PAX3: variants seen among roughly 807,000 people sequenced by gnomAD.
The protein encoded by PAX3 is paired box 3, also known as paired box protein Pax-3.
Under a neutral mutation model 51.6 loss-of-function variants are expected in PAX3, and 14 were observed. That is an observed-to-expected ratio of 0.27 (90% confidence interval 0.18 to 0.42). The LOEUF is 0.42. Among genes scored for constraint, PAX3 ranks in the 10% least tolerant of loss-of-function variants. The probability of loss-of-function intolerance (pLI) is 1.00; values close to 1 mark genes in which losing one functional copy is unlikely to be tolerated. For missense variants in PAX3, 540 were observed against 642.8 expected, an observed-to-expected ratio of 0.84 and a Z score of 1.73; for synonymous variants, 280 against 253.4, an observed-to-expected ratio of 1.11 and a Z score of -1.00.
chr2:222,206,839 C>T (rs1425777693), intron 7 of PAX3, among the ~76,000 whole-genome samples: 4 of 152,114 alleles, frequency 2.6e-5, no homozygotes, highest in Non-Finnish European at 2.9e-5. Context: ...GTGCCTGAAG[C>T]TTATCAGAAA....
chr2:222,219,202 C>T (rs1692086840), intron 7 of PAX3, among the ~76,000 whole-genome samples: 1 of 152,024 alleles, frequency 6.6e-6, no homozygotes, highest in African/African-American at 2.4e-5. Context: ...TCATTTGTGT[C>T]ATTCTGAGCT....
At chr2:222,277,785 T>C (rs1005751772) in intron 4 of PAX3, among the ~76,000 whole-genome samples, 7 of 151,702 alleles carry the variant, frequency 4.6e-5, no homozygotes. Flanking sequence ...AATAGAAAAA[T>C]TAGCCTGGCA....
intron 7 of PAX3, among the ~76,000 whole-genome samples, chr2:222,217,234 C>A (rs535964414): frequency 1.3e-5 from 2 of 151,982 alleles, no homozygotes; most frequent in Non-Finnish European, 2.9e-5. Context: ...ACATCCAATG[C>A]TTTTAATATG....
intron 4 of PAX3, chr2:222,293,619 A>G: frequency 6.2e-7 from 1 of 1,612,858 alleles, no homozygotes. Flanking sequence ...AATCAACTTC[A>G]AACAAATCAA....
At chr2:222,266,153 C>T (rs186450883) in intron 4 of PAX3, among the ~76,000 whole-genome samples, 205 of 152,326 alleles carry the variant, frequency 1.3e-3, no homozygotes, top group African/African-American at 4.7e-3. Context: ...GGAGCCTACA[C>T]GGAAACATAT....
At chr2:222,290,443 A>G (rs1694988271) in intron 4 of PAX3, among the ~76,000 whole-genome samples, 1 of 152,172 alleles carries the variant, frequency 6.6e-6, no homozygotes, top group Non-Finnish European at 1.5e-5. Flanking sequence ...TATGCTTGAG[A>G]TCTCTTAGTG....
At chr2:222,255,813 A>C (rs1418980005) in intron 4 of PAX3, among the ~76,000 whole-genome samples, 2 of 135,398 alleles carry the variant, frequency 1.5e-5, no homozygotes, top group African/African-American at 5.7e-5. Context: ...ACAGAGTCTC[A>C]CTCTGTCGCC....
rs1191799809 is a variant in PAX3, at chr2:222,200,951, G to A, written c.*457C>T. On this transcript the variant is annotated 3_prime_UTR_variant, in exon 9 of 9. Coordinates refer to ENST00000392070, the MANE Select transcript of PAX3 (RefSeq NM_181458.4). ...TTAAAGTTGTAGAAGTATCAGCATC[G>A]AACATCGACATGTTATACTTTAGGG... 3.4e-6 allele frequency: 2 copies of A among 581,592 alleles called. No homozygotes were observed. The highest frequency in any genetic ancestry group is 1.9e-5 in the African/African-American group (1 of 53,482). 36.0% of individuals were successfully genotyped at this position (581,592 alleles called of 1,614,324 possible).
At position 222,230,906 on chromosome 2, in the gene PAX3, G is replaced by A. The variant is rs528572432; in HGVS notation, c.792+1172C>T. On this transcript the variant is annotated intron_variant, in intron 5 of 8. Coordinates refer to ENST00000392070, the MANE Select transcript of PAX3 (RefSeq NM_181458.4). The stretch of plus-strand genomic sequence containing the variant: ...TCCTTTCCTCTTCTCAACTCCCATT[G>A]CACTTTTTCTCTTTCTGCACTTATC... Among the ~76,000 whole-genome samples the A allele has an allele frequency of 1.1e-4, 16 of 148,600 alleles. No individual in the cohort carries two copies. In the South Asian group the frequency reaches 3.4e-3, roughly 32 times the overall value.
intron 5 of PAX3, among the ~76,000 whole-genome samples, chr2:222,223,479 A>G (rs1692275464): frequency 6.6e-6 from 1 of 152,150 alleles, no homozygotes. Flanking sequence ...ACGGCTCCCA[A>G]AGGCATCAGG....
At chr2:222,237,780 T>C (rs1335383024) in intron 4 of PAX3, among the ~76,000 whole-genome samples, 1 of 152,224 alleles carries the variant, frequency 6.6e-6, no homozygotes, top group East Asian at 1.9e-4. Context: ...TGATTATTCA[T>C]TTTATATCTT....
intron 1 of PAX3, 54 bp downstream of exon 1, chr2:222,298,477 G>C (rs1326496329): frequency 2.1e-6 from 3 of 1,453,916 alleles, no homozygotes; most frequent in Non-Finnish European, 2.8e-6. Context: ...GATGGGGTGA[G>C]GCAGCCGGTC....
Position 222,200,953 on chromosome 2 carries a change from A to T in PAX3, c.*455T>A. The T allele has an allele frequency of 1.7e-6, 1 of 588,342 alleles. No individual in the cohort carries two copies. Among genetic ancestry groups the T allele is most frequent in the Non-Finnish European group, 3.0e-6 (1 of 330,456 alleles). The allele number at this position is 588,342 out of a possible 1,614,324, so 36.4% of individuals were successfully genotyped here. On this transcript the variant is annotated 3_prime_UTR_variant, in exon 9 of 9. Transcript: ENST00000392070. Reference sequence around the variant, plus strand: ...AAAGTTGTAGAAGTATCAGCATCGAACATCGACATGTTATACTTTAGGGTA... The same window carrying T: ...AAAGTTGTAGAAGTATCAGCATCGATCATCGACATGTTATACTTTAGGGTA...
intron 4 of PAX3, among the ~76,000 whole-genome samples, chr2:222,246,293 C>G (rs1447326338): frequency 6.6e-6 from 1 of 152,178 alleles, no homozygotes; most frequent in Admixed American, 6.5e-5. Context: ...TGGAAATCAT[C>G]CCATCACTAT....
chr2:222,296,669 T>C (rs1695313581), intron 2 of PAX3, among the ~76,000 whole-genome samples: 1 of 152,190 alleles, frequency 6.6e-6, no homozygotes, highest in Non-Finnish European at 1.5e-5. Context: ...GGTGGGCACA[T>C]AGAGCTTGCC....
intron 4 of PAX3, among the ~76,000 whole-genome samples, chr2:222,234,446 G>A (rs1326066486): frequency 6.6e-6 from 1 of 152,146 alleles, no homozygotes. Flanking sequence ...AGCTCCCAAT[G>A]CAACTTATAT....
At chr2:222,279,474 G>A (rs969551020) in intron 4 of PAX3, among the ~76,000 whole-genome samples, 5 of 152,214 alleles carry the variant, frequency 3.3e-5, no homozygotes, top group African/African-American at 1.2e-4. Context: ...AGGAAAGTGG[G>A]GAAAAACATT....
intron 4 of PAX3, among the ~76,000 whole-genome samples, chr2:222,271,572 G>T (rs1370129847): frequency 6.6e-6 from 1 of 152,096 alleles, no homozygotes; most frequent in Non-Finnish European, 1.5e-5. Context: ...TGAGTTGAGG[G>T]AAAAACCTTT....
chr2:222,209,787 G>A (rs1691655145), intron 7 of PAX3, among the ~76,000 whole-genome samples: 1 of 146,782 alleles, frequency 6.8e-6, no homozygotes, highest in Non-Finnish European at 1.5e-5. Flanking sequence ...AGCTACTGGG[G>A]GGCTAAGGTA....
Sources: allele counts gnomAD v4.1 joint callset (sites outside exome capture counted in the v4.1 genomes callset), GRCh38; gene constraint gnomAD v4.1.1; transcripts MANE v1.5; gene names NCBI Gene and HGNC (gene_info 2026-07-23, HGNC 2026-07-21).